The following ADCY1 variants were observed in gnomAD, a reference collection of about 807,000 sequenced individuals.
The protein encoded by ADCY1 is adenylate cyclase 1.
ADCY1 carries 28 observed loss-of-function variants against 105.4 expected under a neutral mutation model. The observed-to-expected ratio is 0.27, with a 90% CI of 0.20 to 0.36. ADCY1 has a LOEUF of 0.36. ADCY1 is among the 10% of genes least tolerant of loss of function. The probability of loss-of-function intolerance (pLI) is 1.00; values close to 1 mark genes in which losing one functional copy is unlikely to be tolerated. For synonymous variants in ADCY1, 655 were observed against 623.8 expected, an observed-to-expected ratio of 1.05 and a Z score of -0.75; for missense variants, 977 against 1,434.2, an observed-to-expected ratio of 0.68 and a Z score of 5.15.
chr7:45,642,323 T>G (rs1794548140), intron 4 of ADCY1, among the ~76,000 whole-genome samples: 1 of 152,184 alleles, frequency 6.6e-6, no homozygotes, highest in Non-Finnish European at 1.5e-5. Context: ...GGTTTGTACC[T>G]GGCCAGGGGG....
chr7:45,638,388 T>C (rs1219243488), intron 4 of ADCY1, among the ~76,000 whole-genome samples: 1 of 152,218 alleles, frequency 6.6e-6, no homozygotes, highest in Non-Finnish European at 1.5e-5. Flanking sequence ...TCAGACACTC[T>C]AGTTTTCATC....
At chr7:45,633,463 G>A (rs1273090819) in intron 4 of ADCY1, among the ~76,000 whole-genome samples, 3 of 152,148 alleles carry the variant, frequency 2.0e-5, no homozygotes, top group Non-Finnish European at 4.4e-5. Flanking sequence ...ATACATAAAC[G>A]ATTATACATG....
At chr7:45,577,948 C>T (rs2115694366) in intron 1 of ADCY1, among the ~76,000 whole-genome samples, 1 of 152,356 alleles carries the variant, frequency 6.6e-6, no homozygotes, top group South Asian at 2.1e-4. Flanking sequence ...CAAGTCCCTG[C>T]TCTGAGCTAT....
At chr7:45,670,148 G>A (rs1261703496) in intron 8 of ADCY1, among the ~76,000 whole-genome samples, 1 of 152,220 alleles carries the variant, frequency 6.6e-6, no homozygotes, top group Non-Finnish European at 1.5e-5. Flanking sequence ...TATGGTCAGT[G>A]ATATCACTGC....
intron 8 of ADCY1, among the ~76,000 whole-genome samples, chr7:45,663,901 A>G (rs1795198157): frequency 6.6e-6 from 1 of 152,140 alleles, no homozygotes; most frequent in Admixed American, 6.5e-5. Flanking sequence ...CCATAGCTAT[A>G]GCATAGGAAC....
chr7:45,717,384 G>T lies in ADCY1; in HGVS notation c.*3389G>T, dbSNP rs1232854316. ...TAGCCATAATGTCCCTTGGGGTTTG[G>T]TGAAAAACAACTTCCTTTTTATTTG... On this transcript the variant is annotated 3_prime_UTR_variant, in exon 20 of 20. Transcript: ENST00000297323. The T allele has an allele frequency of 6.6e-6, 1 of 152,598 alleles. No individual in the cohort carries two copies. Among genetic ancestry groups the T allele is most frequent in the Non-Finnish European group, 1.5e-5 (1 of 68,052 alleles). 9.5% of individuals were successfully genotyped at this position (152,598 alleles called of 1,614,324 possible). A position where few individuals can be genotyped will look rare whatever the true frequency, so the allele number is the denominator to read the frequency against.
chr7:45,673,788 T>C (rs890388419), intron 8 of ADCY1, among the ~76,000 whole-genome samples: 2 of 151,742 alleles, frequency 1.3e-5, no homozygotes, highest in Non-Finnish European at 2.9e-5. Context: ...ATTTCCTTTC[T>C]ACTGTTAGCT....
chr7:45,687,002 G>A (rs1247675374), intron 14 of ADCY1, among the ~76,000 whole-genome samples: 1 of 152,224 alleles, frequency 6.6e-6, no homozygotes, highest in Non-Finnish European at 1.5e-5. Context: ...GTGGTGCAGA[G>A]GGGCTCAGCC....
intron 4 of ADCY1, among the ~76,000 whole-genome samples, chr7:45,640,468 A>G (rs1361665915): frequency 6.6e-6 from 1 of 152,254 alleles, no homozygotes; most frequent in East Asian, 1.9e-4. Flanking sequence ...ACTCCTAGGT[A>G]GAGTCAAAGT....
At chr7:45,578,585 G>C (rs935087697) in intron 1 of ADCY1, among the ~76,000 whole-genome samples, 1 of 152,200 alleles carries the variant, frequency 6.6e-6, no homozygotes, top group Non-Finnish European at 1.5e-5. Context: ...GGAGACACTG[G>C]ATGTCTGGGC....
Position 45,710,773 on chromosome 7 carries a change from C to T in ADCY1, c.3057+121C>T. ...CCCGTAAGTGGCAGGGCAGAAAGAG[C>T]TGCATATTTCGGTCTGTCTGCTCTG... On this transcript the variant is annotated intron_variant, in intron 19 of 19. Coordinates refer to ENST00000297323, the MANE Select transcript of ADCY1 (RefSeq NM_021116.4). The surrounding 1 kb of genome is among the most constrained non-coding windows in gnomAD (Gnocchi z 4.7). The T allele has an allele frequency of 7.5e-7, 1 of 1,340,594 alleles. No homozygotes were observed. Among genetic ancestry groups the T allele is most frequent in the Non-Finnish European group, 1.0e-6 (1 of 1,003,950 alleles). 83.0% of individuals were successfully genotyped at this position (1,340,594 alleles called of 1,614,324 possible). A position where few individuals can be genotyped will look rare whatever the true frequency, so the allele number is the denominator to read the frequency against.
intron 4 of ADCY1, among the ~76,000 whole-genome samples, chr7:45,634,501 T>C (rs1268195110): frequency 6.6e-6 from 1 of 151,940 alleles, no homozygotes; most frequent in African/African-American, 2.4e-5. Context: ...AAGGATCATA[T>C]GGTTTTTCTT....
intron 2 of ADCY1, among the ~76,000 whole-genome samples, chr7:45,609,113 G>A (rs558630788): frequency 3.3e-5 from 5 of 152,380 alleles, no homozygotes; most frequent in South Asian, 4.1e-4. Flanking sequence ...GAACAGAGGG[G>A]TGAGGCCCTC....
chr7:45,662,452 T>C (rs899535623), intron 8 of ADCY1, among the ~76,000 whole-genome samples: 3 of 152,226 alleles, frequency 2.0e-5, no homozygotes, highest in Non-Finnish European at 2.9e-5. Flanking sequence ...TATTTATTCC[T>C]GTTTATCCAT....
chr7:45,597,276 C>A (rs749606950), intron 2 of ADCY1, among the ~76,000 whole-genome samples: 1 of 152,228 alleles, frequency 6.6e-6, no homozygotes, highest in Non-Finnish European at 1.5e-5. Flanking sequence ...CTTCGAGCCT[C>A]CTGGCAGTGC....
chr7:45,686,071 A>G lies in ADCY1; in HGVS notation c.2183A>G (p.His728Arg). ...CCCACCCTGCCCTGCGAGTCTACAC[A>G]CCATGCCCTGCTCTGCTGCCTGGTG... is the stretch of plus-strand genomic sequence containing the variant. ...ALPTLPCESTHHALLCCLVGT... is the reference protein window; with the variant it reads ...ALPTLPCESTRHALLCCLVGT... Residue 728 changes from histidine to arginine, a missense_variant, in exon 13 of 20, where the codon CAC becomes CGC. His to Arg is a conservative substitution (Grantham distance 29). Transcript: ENST00000297323. This position sits in a 1 kb window ranked among gnomAD's most constrained non-coding sequence, Gnocchi z 4.3. The G allele has an allele frequency of 6.2e-7, 1 of 1,613,952 alleles. No homozygotes were observed.
intron 4 of ADCY1, among the ~76,000 whole-genome samples, chr7:45,638,709 T>C (rs77527990): frequency 6.6e-6 from 1 of 151,334 alleles, no homozygotes; most frequent in Non-Finnish European, 1.5e-5. Context: ...GTCCCTCAGA[T>C]GTGCTCACGT....
At chr7:45,711,836 A>G (rs1038648014) in intron 19 of ADCY1, among the ~76,000 whole-genome samples, 2 of 131,340 alleles carry the variant, frequency 1.5e-5, no homozygotes, top group Admixed American at 8.2e-5. Flanking sequence ...AAAATATACA[A>G]TATTTAAATA....
At chr7:45,704,082 G>C (rs888524723) in intron 16 of ADCY1, among the ~76,000 whole-genome samples, 3 of 151,608 alleles carry the variant, frequency 2.0e-5, no homozygotes, top group Non-Finnish European at 4.4e-5. Context: ...CCAGGCCCTT[G>C]TCTACAGATG....
Sources: allele counts gnomAD v4.1 joint callset (sites outside exome capture counted in the v4.1 genomes callset), GRCh38; gene constraint gnomAD v4.1.1; non-coding constraint Gnocchi (gnomAD v3.1); transcripts MANE v1.5; gene names NCBI Gene and HGNC (gene_info 2026-07-23, HGNC 2026-07-21).